Variants in TRPM7 observed in about 807,000 individuals in gnomAD.
The protein encoded by TRPM7 is transient receptor potential cation channel subfamily M member 7, also known as LTRPC ion channel family member 7.
Under a neutral mutation model 229.7 loss-of-function variants are expected in TRPM7, and 134 were observed. The observed-to-expected ratio is 0.58, with a 90% CI of 0.51 to 0.67. The LOEUF (loss-of-function observed/expected upper bound fraction) is 0.67. Ranked by LOEUF, TRPM7 falls within the 30% of genes least tolerant of loss-of-function variation. The probability of loss-of-function intolerance (pLI) is 0.00; values close to 1 mark genes in which losing one functional copy is unlikely to be tolerated. For synonymous variants in TRPM7, 699 were observed against 715.2 expected (o/e 0.98, Z 0.36); for missense variants, 1,901 against 2,210.0 (o/e 0.86, Z 2.80).
chr15:50,651,214 A>C (rs1370878191), intron 3 of TRPM7, among the ~76,000 whole-genome samples: 1 of 151,622 alleles, frequency 6.6e-6, no homozygotes, highest in Non-Finnish European at 1.5e-5. Flanking sequence ...AAAATTTCAA[A>C]GAATACTGAG....
chr15:50,661,208 C>T (rs1307871464), intron 2 of TRPM7, among the ~76,000 whole-genome samples: 1 of 151,970 alleles, frequency 6.6e-6, no homozygotes, highest in African/African-American at 2.4e-5. Flanking sequence ...AACTCCTGAC[C>T]TCGTGATCCG....
At chr15:50,634,754 A>T (rs550151037) in intron 7 of TRPM7, among the ~76,000 whole-genome samples, 198 bp from the exon 8 acceptor site, 26 of 152,356 alleles carry the variant, frequency 1.7e-4, no homozygotes, top group African/African-American at 6.3e-4. Context: ...TAAGTAAATT[A>T]AATAATGAAT....
At chr15:50,600,402 A>C (rs978033206) in intron 21 of TRPM7, among the ~76,000 whole-genome samples, 27 of 151,202 alleles carry the variant, frequency 1.8e-4, no homozygotes, top group Admixed American at 1.7e-3. Flanking sequence ...ACGCCACTGC[A>C]CTCCAGTCTG....
Position 50,592,535 on chromosome 15 carries a change from G to A in TRPM7, c.3700C>T (p.His1234Tyr). The change falls in exon 26 of 39, where the codon CAT (histidine) becomes TAT (tyrosine). Residue 1234 changes from histidine to tyrosine, a missense_variant. Physicochemically the swap from His to Tyr is moderately conservative, Grantham distance 83. Around this residue, in one of 8 missense-constraint regions of TRPM7, gnomAD observed 533 missense variants for 497.1 expected, o/e 1.07. Transcript: ENST00000646667. ...GTCAGGGCTGAAAGATCTTGCAAATGGCCAATTTGAGAATCTAATGATTGT... is the reference window on the plus strand; with the variant it reads ...GTCAGGGCTGAAAGATCTTGCAAATAGCCAATTTGAGAATCTAATGATTGT... ...SLQSLDSQIG[H>Y]LQDLSALTVD... The A allele has an allele frequency of 6.2e-7, 1 of 1,613,316 alleles. No individual in the cohort carries two copies. The highest frequency in any genetic ancestry group is 8.5e-7 in the Non-Finnish European group (1 of 1,180,002).
At chr15:50,625,397 A>G (rs1032177757) in intron 11 of TRPM7, among the ~76,000 whole-genome samples, 1 of 152,114 alleles carries the variant, frequency 6.6e-6, no homozygotes, top group Non-Finnish European at 1.5e-5. Context: ...TAGCAAGGAT[A>G]TAGTCTTCAT....
At chr15:50,635,948 C>T (rs2060889323) in intron 7 of TRPM7, among the ~76,000 whole-genome samples, 1 of 151,280 alleles carries the variant, frequency 6.6e-6, no homozygotes, top group Admixed American at 6.6e-5. Flanking sequence ...CACTGCACAA[C>T]AGCCAGGGCG....
chr15:50,681,920 G>A (rs995539717), intron 1 of TRPM7, among the ~76,000 whole-genome samples: 3 of 152,068 alleles, frequency 2.0e-5, no homozygotes, highest in East Asian at 1.9e-4. Flanking sequence ...GGTGGCTCAC[G>A]CCTGTAATCC....
Position 50,580,884 on chromosome 15 carries a change from T to C in TRPM7, c.4582A>G (p.Asn1528Asp), listed in dbSNP as rs376620455. Reference protein sequence around the residue: ...IPDWLQDRPSNREMPSEEGTL... With the variant: ...IPDWLQDRPSDREMPSEEGTL... ...AAAAAGCTTACTTACATTTCTCTGT[T>C]TGATGGTCTATCTTGTAACCAATCC... The change falls in exon 30 of 39, where the codon AAC (asparagine) becomes GAC (aspartate). Residue 1528 changes from asparagine (N) to aspartate (D), a missense_variant. Around this residue, in one of 8 missense-constraint regions of TRPM7, gnomAD observed 533 missense variants for 497.1 expected, o/e 1.07. Coordinates refer to ENST00000646667, the MANE Select transcript of TRPM7 (RefSeq NM_017672.6). 1.3e-6 allele frequency: 2 copies of C among 1,586,968 alleles called. No individual in the cohort carries two copies. Among genetic ancestry groups the C allele is most frequent in the East Asian group, 2.3e-5 (1 of 44,382 alleles).
At chr15:50,659,249 A>T (rs2061668831) in intron 2 of TRPM7, among the ~76,000 whole-genome samples, 1 of 152,086 alleles carries the variant, frequency 6.6e-6, no homozygotes, top group South Asian at 2.1e-4. Context: ...TTACAGTCAC[A>T]GTGGGCTACA....
intron 1 of TRPM7, among the ~76,000 whole-genome samples, chr15:50,679,595 G>A (rs2062200221): frequency 7.1e-6 from 1 of 140,320 alleles, no homozygotes; most frequent in Non-Finnish European, 1.5e-5. Context: ...GGGTGCAGTG[G>A]CGCAATCTGG....
chr15:50,668,383 TATTAACA>T (rs1466565259), intron 1 of TRPM7, among the ~76,000 whole-genome samples: 1 of 152,238 alleles, frequency 6.6e-6, no homozygotes, highest in African/African-American at 2.4e-5. Context: ...TATTGACAGC[TATTAACA>T]ATTGAGTAAA....
At chr15:50,613,313 C>T (rs2060115964) in intron 15 of TRPM7, among the ~76,000 whole-genome samples, 1 of 151,892 alleles carries the variant, frequency 6.6e-6, no homozygotes, top group Non-Finnish European at 1.5e-5. Flanking sequence ...ACCATACTGG[C>T]CAACATGGTG....
intron 21 of TRPM7, among the ~76,000 whole-genome samples, chr15:50,602,372 G>A (rs1021656907): frequency 1.3e-5 from 2 of 152,134 alleles, no homozygotes; most frequent in Admixed American, 6.5e-5. Context: ...ATCATACACC[G>A]GGGCCTGTCA....
rs1257929712 is a variant in TRPM7, at chr15:50,561,321, A to G, written c.*357T>C. 5.8e-6 allele frequency: 1 copy of G among 172,898 alleles called. No individual in the cohort carries two copies. The highest frequency in any genetic ancestry group is 2.4e-5 in the African/African-American group (1 of 42,296). 10.7% of individuals were successfully genotyped at this position (172,898 alleles called of 1,614,324 possible). On this transcript the variant is annotated 3_prime_UTR_variant, in exon 39 of 39. Transcript: ENST00000646667. The stretch of plus-strand genomic sequence containing the variant: ...AATGGCAATAAAACAGCTGCCAATA[A>G]AATCTGCATGGACACCTACCTTTGG...
chr15:50,575,728 T>G lies in TRPM7; in HGVS notation c.4731A>C (p.Pro1577=), dbSNP rs751338371. 1 of 1,610,944 alleles carries G rather than the reference T, an allele frequency of 6.2e-7. No individual in the cohort carries two copies. The highest frequency in any genetic ancestry group is 8.5e-7 in the Non-Finnish European group (1 of 1,179,032). ...SQSIPFTPVP[P]RGEPVTVYRL... ...TTCTTTAATTTTTGGATTTACCTCT[T>G]GGAGGCACAGGTGTAAATGGAATGC... is the stretch of plus-strand genomic sequence containing the variant. Residue 1577 remains proline (P), a synonymous_variant, in exon 33 of 39, where the codon CCA becomes CCC. Coordinates refer to ENST00000646667, the MANE Select transcript of TRPM7 (RefSeq NM_017672.6).
chr15:50,575,247 C>A, intron 33 of TRPM7, 112 bp from the exon 34 acceptor site: 1 of 854,584 alleles, frequency 1.2e-6, no homozygotes, highest in Non-Finnish European at 1.7e-6. Flanking sequence ...TAAAATGGAC[C>A]AAGATGTAGT....
chr15:50,615,059 T>A, intron 13 of TRPM7, among the ~76,000 whole-genome samples: 1 of 149,840 alleles, frequency 6.7e-6, no homozygotes, highest in East Asian at 2.0e-4. Flanking sequence ...TAATCCCAGC[T>A]ACTTGGGAGG....
At position 50,686,629 on chromosome 15, in the gene TRPM7, A is replaced by G; in HGVS notation, c.-96T>C. 1 of 1,531,536 alleles carries G rather than the reference A, an allele frequency of 6.5e-7. No individual in the cohort carries two copies. The highest frequency in any genetic ancestry group is 8.8e-7 in the Non-Finnish European group (1 of 1,136,312). 94.9% of individuals were successfully genotyped at this position (1,531,536 alleles called of 1,614,324 possible). A position where few individuals can be genotyped will look rare whatever the true frequency, so the allele number is the denominator to read the frequency against. ...ATCGGGAAGCGTCTCCGGAGGCGGC[A>G]GCAGAGGCCGCCGGACAAGGAACGC... On this transcript the variant is annotated 5_prime_UTR_variant, in exon 1 of 39. Transcript: ENST00000646667.
intron 2 of TRPM7, among the ~76,000 whole-genome samples, chr15:50,662,106 G>A (rs1488966686): frequency 1.3e-5 from 2 of 152,098 alleles, no homozygotes; most frequent in South Asian, 2.1e-4. Flanking sequence ...TGTAATCCCA[G>A]CAGTTTGGGA....
Sources: allele counts gnomAD v4.1 joint callset (sites outside exome capture counted in the v4.1 genomes callset), GRCh38; gene constraint gnomAD v4.1.1; regional missense constraint gnomAD v4.1.1; transcripts MANE v1.5; gene names NCBI Gene and HGNC (gene_info 2026-07-23, HGNC 2026-07-21).